PTPRG: variants seen among roughly 807,000 people sequenced by gnomAD.
The protein encoded by PTPRG is receptor-type tyrosine-protein phosphatase gamma.
In PTPRG, 102 loss-of-function variants were observed where a neutral mutation model predicts 165.3. The ratio of observed to expected loss-of-function variants is 0.62; its 90% confidence interval spans 0.53 to 0.73. PTPRG has a LOEUF of 0.73. Among genes scored for constraint, PTPRG ranks in the 30% least tolerant of loss-of-function variants. PTPRG has a pLI of 0.00. For missense variants in PTPRG, 1,866 were observed against 1,861.4 expected (o/e 1.00, Z -0.05); for synonymous variants, 675 against 669.5 (o/e 1.01, Z -0.13).
At chr3:61,898,345 A>G (rs992919896) in intron 2 of PTPRG, among the ~76,000 whole-genome samples, 1 of 152,156 alleles carries the variant, frequency 6.6e-6, no homozygotes, top group African/African-American at 2.4e-5. Context: ...GTGAGCCACC[A>G]TGCCTGGCTG....
At chr3:62,146,196 T>A (rs1166862035) in intron 6 of PTPRG, among the ~76,000 whole-genome samples, 9 of 152,236 alleles carry the variant, frequency 5.9e-5, no homozygotes, top group South Asian at 2.1e-4. Flanking sequence ...ATGTGCTTTC[T>A]CTTTGGAAAT....
intron 1 of PTPRG, among the ~76,000 whole-genome samples, chr3:61,596,571 C>A (rs1307607381): frequency 6.6e-6 from 1 of 152,064 alleles, no homozygotes; most frequent in South Asian, 2.1e-4. Context: ...TGTTTTTTAT[C>A]TAGTGTAACA....
In PTPRG at chr3:62,203,639, C is replaced by A; in HGVS notation, c.1844C>A (p.Ala615Asp). The A allele has an allele frequency of 6.4e-7, 1 of 1,557,818 alleles. No homozygotes were observed. Among genetic ancestry groups the A allele is most frequent in the South Asian group, 1.2e-5 (1 of 84,584 alleles). ...GAGAAGAGTGGGGTGACCCACGCTGCCGAGGAGCGGAATCAGACGGAGCCC... is the reference window on the plus strand; with the variant it reads ...GAGAAGAGTGGGGTGACCCACGCTGACGAGGAGCGGAATCAGACGGAGCCC... ...KKEKSGVTHA[A>D]EERNQTEPSP... Residue 615 changes from alanine to aspartate, a missense_variant, in exon 12 of 30, where the codon GCC (alanine) becomes GAC (aspartate). Coordinates refer to ENST00000474889, the MANE Select transcript of PTPRG (RefSeq NM_002841.4). This position sits in a 1 kb window ranked among gnomAD's most constrained non-coding sequence, Gnocchi z 6.4.
chr3:61,757,152 A>G (rs1194807927), intron 2 of PTPRG, among the ~76,000 whole-genome samples: 2 of 152,228 alleles, frequency 1.3e-5, no homozygotes, highest in East Asian at 3.9e-4. Flanking sequence ...TTAAAATAAT[A>G]TGGGTAATAT....
chr3:62,046,602 A>C (rs1359212252), intron 4 of PTPRG, among the ~76,000 whole-genome samples: 1 of 152,032 alleles, frequency 6.6e-6, no homozygotes, highest in East Asian at 1.9e-4. Context: ...TTTTATTTCA[A>C]AGTCTTTCTT....
Position 62,112,108 on chromosome 3 carries a change from CT to C in PTPRG, c.616-20484del, listed in dbSNP as rs34587018. Among the ~76,000 whole-genome samples the C allele has an allele frequency of 7.8e-4, 116 of 148,724 alleles. 1 individual carries two copies. The highest frequency in any genetic ancestry group is 2.6e-3 in the African/African-American group (105 of 40,644). On this transcript the variant is annotated intron_variant, in intron 5 of 29. Transcript: ENST00000474889. ...GTCACTACCACTTTCTTTTTTTCTTCTTTTTTTTTTGAAATGGAGTTTCACT... is the reference window on the plus strand; with the variant it reads ...GTCACTACCACTTTCTTTTTTTCTTCTTTTTTTTTGAAATGGAGTTTCACT...
At position 62,233,448 on chromosome 3, in the gene PTPRG, G is replaced by A. The variant is rs2106927574; in HGVS notation, c.2375+2137G>A. 6.6e-6 allele frequency among the ~76,000 whole-genome samples: 1 copy of A among 152,240 alleles called. No individual in the cohort carries two copies. The highest frequency in any genetic ancestry group is 2.1e-4 in the South Asian group (1 of 4,824). On this transcript the variant is annotated intron_variant, in intron 14 of 29. Transcript: ENST00000474889. This position sits in a 1 kb window ranked among gnomAD's most constrained non-coding sequence, Gnocchi z 4.7. ...CTATAAAAGGGCTTTGAAAGACAGGGTGCCCCCTACCTCTGTCAGGCTTCT... is the reference window on the plus strand; with the variant it reads ...CTATAAAAGGGCTTTGAAAGACAGGATGCCCCCTACCTCTGTCAGGCTTCT...
At chr3:61,690,139 C>G (rs114262714) in intron 1 of PTPRG, among the ~76,000 whole-genome samples, 4 of 152,118 alleles carry the variant, frequency 2.6e-5, no homozygotes, top group Non-Finnish European at 5.9e-5. Flanking sequence ...TGGCATTATC[C>G]GCAACCGACA....
At chr3:61,940,114 T>G (rs572479223) in intron 2 of PTPRG, among the ~76,000 whole-genome samples, 1 of 151,778 alleles carries the variant, frequency 6.6e-6, no homozygotes, top group East Asian at 2.0e-4. Flanking sequence ...GCCTGGCTGA[T>G]TTTTGTATTT....
chr3:61,791,305 C>T (rs1466763207), intron 2 of PTPRG, among the ~76,000 whole-genome samples: 1 of 152,176 alleles, frequency 6.6e-6, no homozygotes, highest in Non-Finnish European at 1.5e-5. Flanking sequence ...GGCTTACTCC[C>T]ACAGAGTCTG....
At chr3:61,934,259 G>C (rs1032945183) in intron 2 of PTPRG, among the ~76,000 whole-genome samples, 2 of 152,170 alleles carry the variant, frequency 1.3e-5, no homozygotes, top group Non-Finnish European at 2.9e-5. Context: ...GCATATTCTG[G>C]TGTATGTCAG....
At chr3:62,141,284 C>T (rs1262728942) in intron 6 of PTPRG, among the ~76,000 whole-genome samples, 3 of 152,014 alleles carry the variant, frequency 2.0e-5, no homozygotes, top group South Asian at 4.1e-4. Flanking sequence ...CTATGTCTGT[C>T]CCCTAGAGAA....
chr3:61,593,828 C>T (rs1700633043), intron 1 of PTPRG, among the ~76,000 whole-genome samples: 1 of 152,082 alleles, frequency 6.6e-6, no homozygotes, highest in Non-Finnish European at 1.5e-5. Flanking sequence ...TAATTAATAG[C>T]TAGCTGGTAC....
chr3:61,697,915 T>C (rs183372193), intron 1 of PTPRG, among the ~76,000 whole-genome samples: 47 of 152,306 alleles, frequency 3.1e-4, no homozygotes, highest in Non-Finnish European at 2.6e-4. Context: ...AAAATTCTTT[T>C]TATCCCTACA....
At chr3:62,164,510 C>T (rs1559589880) in intron 7 of PTPRG, among the ~76,000 whole-genome samples, 1 of 152,114 alleles carries the variant, frequency 6.6e-6, no homozygotes. Context: ...GTGTGCTAAG[C>T]TCGTCCTCCT....
At chr3:62,078,283 T>G in intron 5 of PTPRG, 25 bp downstream of exon 5, 1 of 1,452,658 alleles carries the variant, frequency 6.9e-7, no homozygotes, top group South Asian at 1.2e-5. Context: ...GCTGAAGTAC[T>G]TCAAAGAATT....
At position 62,266,861 on chromosome 3, in the gene PTPRG, G is replaced by T. The variant is rs1393494758; in HGVS notation, c.2657-549G>T. 2.0e-5 allele frequency among the ~76,000 whole-genome samples: 3 copies of T among 147,726 alleles called. No homozygotes were observed. In the Admixed American group the frequency reaches 2.1e-4, roughly 10 times the overall value. ...CATGCATCACCTACCCCCAACTTTT[G>T]TTCATTAACTGAGGTTAAGTGGATC... On this transcript the variant is annotated intron_variant, in intron 17 of 29. Transcript: ENST00000474889.
chr3:61,897,121 G>C (rs900211423), intron 2 of PTPRG, among the ~76,000 whole-genome samples: 2 of 151,864 alleles, frequency 1.3e-5, no homozygotes, highest in African/African-American at 2.4e-5. Flanking sequence ...TCCTTTTATA[G>C]ATCATGCTCT....
chr3:61,584,638 G>A (rs1418233985), intron 1 of PTPRG, among the ~76,000 whole-genome samples: 1 of 149,706 alleles, frequency 6.7e-6, no homozygotes, highest in Non-Finnish European at 1.5e-5. Flanking sequence ...CATTGTACGA[G>A]TTTGCTTATG....
Sources: allele counts gnomAD v4.1 joint callset (sites outside exome capture counted in the v4.1 genomes callset), GRCh38; gene constraint gnomAD v4.1.1; non-coding constraint Gnocchi (gnomAD v3.1); transcripts MANE v1.5; gene names NCBI Gene and HGNC (gene_info 2026-07-23, HGNC 2026-07-21).